The following AKAP12 variants were observed in gnomAD, a reference collection of about 807,000 sequenced individuals.
The protein encoded by AKAP12 is A-kinase anchor protein 12.
In AKAP12, 32 loss-of-function variants were observed where a neutral mutation model predicts 79.9. That is an observed-to-expected ratio of 0.40 (90% CI 0.30 to 0.54). AKAP12 has a LOEUF of 0.54. Among genes scored for constraint, AKAP12 ranks in the 20% least tolerant of loss-of-function variants. AKAP12 has a pLI of 0.48. For missense variants in AKAP12, 2,074 were observed against 2,177.0 expected (o/e 0.95, Z 0.94); for synonymous variants, 808 against 857.0 (o/e 0.94, Z 1.00).
intron 3 of AKAP12, chr6:151,324,265 C>T: frequency 1.0e-6 from 1 of 985,444 alleles, no homozygotes; most frequent in Non-Finnish European, 1.2e-6. Context: ...CCATCATTCC[C>T]TGTTCCCGCC....
intron 2 of AKAP12, among the ~76,000 whole-genome samples, chr6:151,249,088 GA>G (rs1452269483): frequency 2.0e-5 from 3 of 152,164 alleles, no homozygotes; most frequent in African/African-American, 7.2e-5. Flanking sequence ...TACTGAGCCA[GA>G]AGCTGTGACT....
At chr6:151,307,263 G>GT (rs1776995829) in intron 3 of AKAP12, among the ~76,000 whole-genome samples, 1 of 152,216 alleles carries the variant, frequency 6.6e-6, no homozygotes, top group African/African-American at 2.4e-5. Context: ...TATGAAGTAG[G>GT]TGATATTGTT....
chr6:151,309,789 T>G (rs532765494), intron 3 of AKAP12, among the ~76,000 whole-genome samples: 3 of 152,300 alleles, frequency 2.0e-5, no homozygotes, highest in Admixed American at 2.0e-4. Flanking sequence ...ACCTTAGCCT[T>G]GGCGAGCAGT....
At chr6:151,307,394 T>G (rs942253029) in intron 3 of AKAP12, among the ~76,000 whole-genome samples, 1 of 152,156 alleles carries the variant, frequency 6.6e-6, no homozygotes, top group Non-Finnish European at 1.5e-5. Context: ...AGAGTTTTTA[T>G]TGAAGGGTGT....
chr6:151,263,932 A>G (rs1319441175), intron 2 of AKAP12, among the ~76,000 whole-genome samples: 1 of 152,114 alleles, frequency 6.6e-6, no homozygotes. Context: ...GTGCTGATGA[A>G]TCCCAAACCT....
intron 4 of AKAP12, among the ~76,000 whole-genome samples, chr6:151,354,587 A>AT (rs34133297): frequency 0.12 from 18,050 of 152,014 alleles, 1,206 homozygotes; most frequent in Middle Eastern, 0.31. Context: ...GTTAGCCAGG[A>AT]GGTCTCGATC....
intron 3 of AKAP12, among the ~76,000 whole-genome samples, chr6:151,321,732 T>C (rs2114779564): frequency 6.6e-6 from 1 of 152,178 alleles, no homozygotes; most frequent in Middle Eastern, 3.4e-3. Flanking sequence ...TATAATAAAT[T>C]TATGTTTAAC....
intron 3 of AKAP12, among the ~76,000 whole-genome samples, chr6:151,311,185 G>C (rs1777092177): frequency 6.6e-6 from 1 of 152,192 alleles, no homozygotes; most frequent in African/African-American, 2.4e-5. Flanking sequence ...GCCCAGGCTG[G>C]TCTCAAATTC....
chr6:151,338,364 T>C (rs896434715), intron 3 of AKAP12, among the ~76,000 whole-genome samples: 3 of 152,220 alleles, frequency 2.0e-5, no homozygotes, highest in African/African-American at 7.2e-5. Context: ...TTTTAGACTT[T>C]GATATGTTCA....
At chr6:151,321,903 G>GTTTTTTTT (rs11415941) in intron 3 of AKAP12, among the ~76,000 whole-genome samples, 36 of 67,314 alleles carry the variant, frequency 5.3e-4, no homozygotes, top group East Asian at 1.3e-3. Context: ...TCAGCTTTAT[G>GTTTTTTTT]TTTTTTTTTT....
At chr6:151,278,734 C>A (rs1776336229) in intron 2 of AKAP12, among the ~76,000 whole-genome samples, 2 of 151,900 alleles carry the variant, frequency 1.3e-5, no homozygotes, top group South Asian at 4.2e-4. Context: ...GTGGCGCGAT[C>A]TCCGCTCACT....
chr6:151,311,859 C>T (rs903207084), intron 3 of AKAP12, among the ~76,000 whole-genome samples: 8 of 152,236 alleles, frequency 5.3e-5, no homozygotes, highest in Middle Eastern at 3.4e-3. Context: ...AGTTAAAAGT[C>T]GTTCTTCTTT....
intron 3 of AKAP12, among the ~76,000 whole-genome samples, chr6:151,306,952 T>C (rs1776990359): frequency 6.6e-6 from 1 of 152,328 alleles, no homozygotes; most frequent in Admixed American, 6.5e-5. Flanking sequence ...ATGTTAACTT[T>C]TGAATCAAGT....
At chr6:151,263,235 A>G (rs142270005) in intron 2 of AKAP12, among the ~76,000 whole-genome samples, 1 of 151,986 alleles carries the variant, frequency 6.6e-6, no homozygotes, top group Non-Finnish European at 1.5e-5. Context: ...GGGTCTTGCT[A>G]TGTTGCCCAG....
At chr6:151,289,689 T>C (rs190462340) in intron 2 of AKAP12, among the ~76,000 whole-genome samples, 26 of 152,318 alleles carry the variant, frequency 1.7e-4, no homozygotes, top group Admixed American at 1.5e-3. Context: ...AGAGCTGTTA[T>C]TTGTCTTTCT....
chr6:151,256,234 T>C (rs2114691624), intron 2 of AKAP12, among the ~76,000 whole-genome samples: 1 of 152,350 alleles, frequency 6.6e-6, no homozygotes, highest in African/African-American at 2.4e-5. Flanking sequence ...TTTTCCAGAC[T>C]GCAGAACTTT....
intron 3 of AKAP12, among the ~76,000 whole-genome samples, chr6:151,319,041 G>A (rs1416881245): frequency 6.6e-6 from 1 of 152,100 alleles, no homozygotes; most frequent in Non-Finnish European, 1.5e-5. Flanking sequence ...CCTAGGTAAA[G>A]AAATAAATAT....
At chr6:151,308,375 G>A (rs978029018) in intron 3 of AKAP12, among the ~76,000 whole-genome samples, 3 of 151,798 alleles carry the variant, frequency 2.0e-5, no homozygotes, top group Non-Finnish European at 1.5e-5. Flanking sequence ...ATCATGCCCA[G>A]CTAACTTTTG....
chr6:151,299,882 G>C (rs1179714142), intron 2 of AKAP12, among the ~76,000 whole-genome samples: 1 of 151,924 alleles, frequency 6.6e-6, no homozygotes, highest in Non-Finnish European at 1.5e-5. Flanking sequence ...TCCTGCCTCA[G>C]CCTCCCAAAG....
Sources: allele counts gnomAD v4.1 joint callset (sites outside exome capture counted in the v4.1 genomes callset), GRCh38; gene constraint gnomAD v4.1.1; transcripts MANE v1.5; gene names NCBI Gene and HGNC (gene_info 2026-07-23, HGNC 2026-07-21).